BEST3: variants seen among roughly 807,000 people sequenced by gnomAD.
BEST3 encodes the protein bestrophin 3.
A neutral mutation model predicts 47.1 loss-of-function variants in BEST3; 50 were observed. The observed-to-expected ratio is 1.06, with a 90% confidence interval of 0.85 to 1.34. BEST3 has a LOEUF of 1.34. Among genes scored for constraint, BEST3 ranks in the 40% most tolerant of loss-of-function variants. BEST3 has a pLI of 0.00. For missense variants in BEST3, 765 were observed against 817.0 expected, an observed-to-expected ratio of 0.94 and a Z score of 0.78; for synonymous variants, 282 against 298.8, an observed-to-expected ratio of 0.94 and a Z score of 0.58.
At chr12:69,684,213 C>G (rs1450255693) in intron 4 of BEST3, 15 of 212,740 alleles carry the variant, frequency 7.1e-5, no homozygotes. Flanking sequence ...GCTTTTTCTT[C>G]TGGCTGGCTC....
chr12:69,685,827 T>C (rs1461025593), intron 4 of BEST3, among the ~76,000 whole-genome samples: 1 of 152,188 alleles, frequency 6.6e-6, no homozygotes, highest in African/African-American at 2.4e-5. Flanking sequence ...ATTGAGTGGA[T>C]AGCCTTTATT....
chr12:69,672,803 T>A (rs1884659902), intron 8 of BEST3, 82 bp downstream of exon 8: 16 of 988,760 alleles, frequency 1.6e-5, no homozygotes, highest in Non-Finnish European at 2.1e-5. Context: ...CCAAGGGGTG[T>A]GCATTTGAAA....
chr12:69,653,059 T>C (rs559877192), downstream of BEST3, among the ~76,000 whole-genome samples: 2 of 152,356 alleles, frequency 1.3e-5, no homozygotes, highest in East Asian at 1.9e-4. Flanking sequence ...ATTGTTGTCA[T>C]GCAGCTTGGA....
intron 2 of BEST3, among the ~76,000 whole-genome samples, chr12:69,697,135 T>C (rs1254565304): frequency 2.0e-5 from 3 of 152,104 alleles, no homozygotes; most frequent in Non-Finnish European, 1.5e-5. Flanking sequence ...TTTGCTTTAG[T>C]TGAGGTACTG....
chr12:69,667,706 A>T (rs1332609688), intron 9 of BEST3, among the ~76,000 whole-genome samples: 1 of 152,130 alleles, frequency 6.6e-6, no homozygotes, highest in Non-Finnish European at 1.5e-5. Flanking sequence ...CATAAGGCTG[A>T]GCGTTTCTCC....
intron 2 of BEST3, among the ~76,000 whole-genome samples, chr12:69,696,993 T>G (rs1185183045): frequency 6.6e-6 from 1 of 152,200 alleles, no homozygotes; most frequent in Non-Finnish European, 1.5e-5. Flanking sequence ...TTCTTGGACT[T>G]GATATTGCTC....
chr12:69,689,760 T>C (rs1431915757), intron 4 of BEST3, among the ~76,000 whole-genome samples: 1 of 152,150 alleles, frequency 6.6e-6, no homozygotes, highest in African/African-American at 2.4e-5. Flanking sequence ...GAACAATGCT[T>C]GTTACATCCA....
downstream of BEST3, among the ~76,000 whole-genome samples, chr12:69,652,371 C>T (rs1296923841): frequency 6.6e-6 from 1 of 152,122 alleles, no homozygotes; most frequent in Non-Finnish European, 1.5e-5. Flanking sequence ...AAATCAGGTA[C>T]ATGAGAAGAA....
intron 9 of BEST3, among the ~76,000 whole-genome samples, chr12:69,665,125 G>A (rs775507): frequency 0.43 from 35,933 of 83,818 alleles, 7,887 homozygotes; most frequent in Admixed American, 0.6. Context: ...GGGATGCCAA[G>A]TCACACAGTG....
chr12:69,674,551 T>C (rs528360699), intron 7 of BEST3, among the ~76,000 whole-genome samples: 1 of 152,314 alleles, frequency 6.6e-6, no homozygotes, highest in South Asian at 2.1e-4. Context: ...CTATCTGCCC[T>C]TTCTTGCCTG....
intron 9 of BEST3, among the ~76,000 whole-genome samples, chr12:69,663,134 T>A (rs562850627): frequency 1.3e-5 from 2 of 152,364 alleles, no homozygotes; most frequent in South Asian, 4.1e-4. Context: ...CCTCAGAGTC[T>A]TAAACATTTG....
chr12:69,664,326 G>A (rs1884051076), intron 9 of BEST3, among the ~76,000 whole-genome samples: 1 of 152,174 alleles, frequency 6.6e-6, no homozygotes, highest in African/African-American at 2.4e-5. Context: ...GATGAAGCAA[G>A]AACATTGGTT....
intron 4 of BEST3, among the ~76,000 whole-genome samples, chr12:69,682,825 C>G (rs949908652): frequency 6.6e-6 from 1 of 152,236 alleles, no homozygotes; most frequent in Non-Finnish European, 1.5e-5. Flanking sequence ...GATCTGCCCA[C>G]CTTGGCCTCC....
chr12:69,697,555 G>T, intron 2 of BEST3, 92 bp downstream of exon 2: 1 of 1,059,436 alleles, frequency 9.4e-7, no homozygotes, highest in Non-Finnish European at 1.3e-6. Context: ...TCCATAATGC[G>T]AAGTCAGTGG....
At chr12:69,651,796 A>G (rs1883219543), downstream of BEST3, among the ~76,000 whole-genome samples, 1 of 137,278 alleles carries the variant, frequency 7.3e-6, no homozygotes, top group Non-Finnish European at 1.7e-5. Flanking sequence ...GAAAAAAAAA[A>G]AAAGAAAGAA....
chr12:69,679,542 A>G (rs534649775), intron 4 of BEST3, among the ~76,000 whole-genome samples: 1 of 152,324 alleles, frequency 6.6e-6, no homozygotes, highest in Non-Finnish European at 1.5e-5. Context: ...CATCGTCCCC[A>G]TAGCATTTTG....
Position 69,655,773 on chromosome 12 carries a change from C to A in BEST3, c.1141G>T (p.Asp381Tyr). 6.2e-7 allele frequency: 1 copy of A among 1,612,528 alleles called. No individual in the cohort carries two copies. Among genetic ancestry groups the A allele is most frequent in the Non-Finnish European group, 8.5e-7 (1 of 1,178,954 alleles). Residue 381 changes from aspartate to tyrosine, a missense_variant, in exon 10 of 10, where the codon GAT (aspartate) becomes TAT (tyrosine). Asp to Tyr is a radical substitution (Grantham distance 160). Transcript: ENST00000330891. ...SDFPDEEWLW[D>Y]YEKHGHRHSM... ...TGCCGATGGCCATGCTTCTCATAAT[C>A]CCACAGCCACTCCTCGTCAGGAAAG...
At chr12:69,696,251 C>G (rs1422339239) in intron 2 of BEST3, among the ~76,000 whole-genome samples, 1 of 152,032 alleles carries the variant, frequency 6.6e-6, no homozygotes, top group Non-Finnish European at 1.5e-5. Flanking sequence ...AATGTAAGCC[C>G]TCTGCTTTAG....
chr12:69,683,327 G>A (rs571757836), intron 4 of BEST3: 2 of 152,342 alleles, frequency 1.3e-5, no homozygotes, highest in Admixed American at 1.3e-4. Flanking sequence ...TATCCTCTAA[G>A]AATATATAAG....
Sources: gnomAD v4.1 joint callset for allele counts (sites outside exome capture counted in the v4.1 genomes callset) on GRCh38, gnomAD v4.1.1 for gene constraint, MANE v1.5 for transcripts, NCBI Gene and HGNC (gene_info 2026-07-23, HGNC 2026-07-21) for gene names.